The following ITGA1 variants were observed in gnomAD, a reference collection of about 807,000 sequenced individuals.
The protein encoded by ITGA1 is integrin alpha-1.
ITGA1 carries 85 observed loss-of-function variants against 145.9 expected under a neutral mutation model. The observed-to-expected ratio is 0.58, with a 90% CI of 0.49 to 0.70. The LOEUF (loss-of-function observed/expected upper bound fraction) is 0.70, where lower values mean the gene tolerates loss of function less well. ITGA1 is among the 30% of genes least tolerant of loss of function. The pLI is 0.00. For synonymous variants in ITGA1, 520 were observed against 495.3 expected (o/e 1.05, Z -0.66); for missense variants, 1,351 against 1,418.7 (o/e 0.95, Z 0.77).
At chr5:52,899,103 T>TA (rs1750276090) in intron 11 of ITGA1, among the ~76,000 whole-genome samples, 2 of 152,194 alleles carry the variant, frequency 1.3e-5, no homozygotes, top group Non-Finnish European at 2.9e-5. Context: ...TCCCAGCTCT[T>TA]ACTCACTCAA....
In ITGA1 at chr5:52,889,263, G is replaced by C. The variant is rs111647606; in HGVS notation, c.924+1298G>C. On this transcript the variant is annotated intron_variant, in intron 8 of 28. Coordinates refer to ENST00000282588, the MANE Select transcript of ITGA1 (RefSeq NM_181501.2). ...ACCACAGGCGCACACCACCACACTTGGCTAATTTTTTTATTTTTAGTAGAG... is the reference window on the plus strand; with the variant it reads ...ACCACAGGCGCACACCACCACACTTCGCTAATTTTTTTATTTTTAGTAGAG... Among the ~76,000 whole-genome samples the C allele has an allele frequency of 9.0e-3, 1,367 of 152,072 alleles. 6 individuals carry two copies. The highest frequency in any genetic ancestry group is 0.017 in the South Asian group (83 of 4,816).
At chr5:52,948,765 TAG>T (rs1179121893) in intron 28 of ITGA1, 12 of 152,334 alleles carry the variant, frequency 7.9e-5, no homozygotes, top group African/African-American at 2.9e-4. Flanking sequence ...GCACCTCTAA[TAG>T]AGAGTGTTAC....
chr5:52,878,150 G>A (rs1264649236), intron 6 of ITGA1, among the ~76,000 whole-genome samples: 5 of 152,124 alleles, frequency 3.3e-5, no homozygotes, highest in South Asian at 2.1e-4. Flanking sequence ...TGAGGAGGAC[G>A]GGGGACTCCC....
At chr5:52,815,810 G>A (rs112956186) in intron 1 of ITGA1, among the ~76,000 whole-genome samples, 25 of 152,272 alleles carry the variant, frequency 1.6e-4, no homozygotes, top group African/African-American at 5.8e-4. Flanking sequence ...TAGTAGTTGG[G>A]TTGTGATGCA....
At chr5:52,928,416 G>T (rs1194028461) in intron 20 of ITGA1, among the ~76,000 whole-genome samples, 1 of 152,108 alleles carries the variant, frequency 6.6e-6, no homozygotes, top group East Asian at 1.9e-4. Context: ...AAAAAAAATT[G>T]CCTTATTGAG....
At chr5:52,889,510 G>T (rs1282512785) in intron 8 of ITGA1, among the ~76,000 whole-genome samples, 2 of 152,160 alleles carry the variant, frequency 1.3e-5, no homozygotes, top group Non-Finnish European at 2.9e-5. Flanking sequence ...TGAAAAATCT[G>T]TATCCTTCTT....
Position 52,939,588 on chromosome 5 carries a change from A to G in ITGA1, c.3079-2A>G, listed in dbSNP as rs1018042127. ...TGATAAATGTAATATTTTCATTTCT[A>G]GAATGCAAACTGCAGACCCCATATC... On this transcript the variant is annotated splice_acceptor_variant, in intron 24 of 28. Transcript: ENST00000282588. LOFTEE classifies it high-confidence loss of function. 1 of 1,591,664 alleles carries G rather than the reference A, an allele frequency of 6.3e-7. No homozygotes were observed. The highest frequency in any genetic ancestry group is 1.7e-5 in the Admixed American group (1 of 58,524).
In ITGA1 at chr5:52,909,959, A is replaced by C. The variant is rs558864869; in HGVS notation, c.1600-203A>C. On this transcript the variant is annotated intron_variant, in intron 13 of 28. Coordinates refer to ENST00000282588, the MANE Select transcript of ITGA1 (RefSeq NM_181501.2). Reference sequence around the variant, plus strand: ...TTGCATTAAAAAGAGATTCCATTAAAGTATGTCTCCCACACTTCTACCATC... The same window carrying C: ...TTGCATTAAAAAGAGATTCCATTAACGTATGTCTCCCACACTTCTACCATC... Among the ~76,000 whole-genome samples, 4 of 152,256 alleles carry C rather than the reference A, an allele frequency of 2.6e-5. No individual in the cohort carries two copies. In the East Asian group the frequency reaches 7.7e-4, roughly 29 times the overall value.
chr5:52,822,567 G>GTGGC (rs1347295153), intron 1 of ITGA1, among the ~76,000 whole-genome samples: 1 of 152,192 alleles, frequency 6.6e-6, no homozygotes, highest in Non-Finnish European at 1.5e-5. Context: ...GGACACTTAG[G>GTGGC]TGGCTCCTGG....
intron 9 of ITGA1, among the ~76,000 whole-genome samples, chr5:52,895,079 T>G (rs1750205018): frequency 6.6e-6 from 1 of 152,156 alleles, no homozygotes; most frequent in Non-Finnish European, 1.5e-5. Flanking sequence ...TTCTCATCAA[T>G]TCCATTCTAC....
chr5:52,820,750 C>T (rs1197736251), intron 1 of ITGA1, among the ~76,000 whole-genome samples: 6 of 152,046 alleles, frequency 3.9e-5, no homozygotes, highest in African/African-American at 1.4e-4. Context: ...TTAGTTCTCT[C>T]CCGAGACCAG....
intron 6 of ITGA1, among the ~76,000 whole-genome samples, chr5:52,871,217 T>C (rs1561232786): frequency 6.6e-6 from 1 of 152,214 alleles, no homozygotes; most frequent in Non-Finnish European, 1.5e-5. Flanking sequence ...AGTATTGCTG[T>C]TTGATCTTTT....
At chr5:52,919,856 A>G (rs1750705482) in intron 16 of ITGA1, among the ~76,000 whole-genome samples, 1 of 152,148 alleles carries the variant, frequency 6.6e-6, no homozygotes, top group Non-Finnish European at 1.5e-5. Flanking sequence ...TGGTTTGACC[A>G]TAAGCTGAGA....
chr5:52,854,709 T>C (rs1749480283), intron 2 of ITGA1, among the ~76,000 whole-genome samples: 1 of 152,122 alleles, frequency 6.6e-6, no homozygotes, highest in Non-Finnish European at 1.5e-5. Context: ...AACATAAATA[T>C]GAAACAGAGA....
chr5:52,946,686 A>G (rs1751139826), intron 27 of ITGA1, among the ~76,000 whole-genome samples: 1 of 152,000 alleles, frequency 6.6e-6, no homozygotes, highest in Admixed American at 6.6e-5. Context: ...TTTGAGTGCC[A>G]CCCTGAGAGA....
chr5:52,834,627 GAGAA>G lies in ITGA1; in HGVS notation c.62-14730_62-14727del, dbSNP rs1353960938. Among the ~76,000 whole-genome samples, 18 of 148,168 alleles carry G rather than the reference GAGAA, an allele frequency of 1.2e-4. No individual in the cohort carries two copies. The South Asian group carries it at 1.9e-3, about 16-fold the overall frequency. Reference sequence around the variant, plus strand: ...GAGAGAGAAAGAAGAAAGAAAGGGAGAGAAAGAAAGACAGAAAGAAAGAAAAAGA... The same window carrying G: ...GAGAGAGAAAGAAGAAAGAAAGGGAGAGAAAGACAGAAAGAAAGAAAAAGA... On this transcript the variant is annotated intron_variant, in intron 1 of 28. Coordinates refer to ENST00000282588, the MANE Select transcript of ITGA1 (RefSeq NM_181501.2).
intron 1 of ITGA1, among the ~76,000 whole-genome samples, chr5:52,805,002 A>G (rs975885): frequency 0.51 from 77,446 of 151,934 alleles, 20,520 homozygotes; most frequent in African/African-American, 0.65. Flanking sequence ...TTTTGAACCA[A>G]TCACTGGGCT....
At chr5:52,829,255 G>A (rs1385106759) in intron 1 of ITGA1, among the ~76,000 whole-genome samples, 1 of 152,116 alleles carries the variant, frequency 6.6e-6, no homozygotes, top group Non-Finnish European at 1.5e-5. Context: ...GTCAGATGTG[G>A]TGGCTCATGC....
At chr5:52,839,694 A>C (rs1246419896) in intron 1 of ITGA1, among the ~76,000 whole-genome samples, 1 of 152,200 alleles carries the variant, frequency 6.6e-6, no homozygotes, top group East Asian at 1.9e-4. Flanking sequence ...TCCTATGGTT[A>C]TTTTTGTTAG....
Sources: gnomAD v4.1 joint callset for allele counts (sites outside exome capture counted in the v4.1 genomes callset) on GRCh38, gnomAD v4.1.1 for gene constraint, MANE v1.5 for transcripts, NCBI Gene and HGNC (gene_info 2026-07-23, HGNC 2026-07-21) for gene names.